The following CPEB2 variants were observed in gnomAD, a reference collection of about 807,000 sequenced individuals.
CPEB2 encodes the protein cytoplasmic polyadenylation element binding protein 2.
A neutral mutation model predicts 93.6 loss-of-function variants in CPEB2; 56 were observed. That is an observed-to-expected ratio of 0.60 (90% confidence interval 0.48 to 0.75). CPEB2 has a LOEUF of 0.75. CPEB2 is among the 30% of genes least tolerant of loss of function. CPEB2 has a pLI of 0.00. For missense variants in CPEB2, 1,579 were observed against 1,395.1 expected, an observed-to-expected ratio of 1.13 and a Z score of -2.10; for synonymous variants, 764 against 586.3, an observed-to-expected ratio of 1.30 and a Z score of -4.38.
intron 1 of CPEB2, among the ~76,000 whole-genome samples, chr4:15,004,779 C>T: frequency 6.6e-6 from 1 of 151,696 alleles, no homozygotes; most frequent in East Asian, 1.9e-4. Context: ...CGCGGGGAGG[C>T]GCGGCGAGGA....
rs948445203 is a variant in CPEB2 at position 15,067,643 on chromosome 4, A to G, written c.*1263A>G. On this transcript the variant is annotated 3_prime_UTR_variant, in exon 12 of 12. Transcript: ENST00000538197. ...ATCTGAATTTTTTAGAAGAATGCAA[A>G]ACTTTAGTAAACCCTAAGTAAAGTC... 6.6e-6 allele frequency: 1 copy of G among 152,438 alleles called. No homozygotes were observed. Among genetic ancestry groups the G allele is most frequent in the Non-Finnish European group, 1.5e-5 (1 of 67,950 alleles). The allele number at this position is 152,438 out of a possible 1,614,324, so 9.4% of individuals were successfully genotyped here.
intron 7 of CPEB2, among the ~76,000 whole-genome samples, chr4:15,052,847 C>T (rs2109081666): frequency 6.6e-6 from 1 of 152,042 alleles, no homozygotes; most frequent in Middle Eastern, 3.4e-3. Flanking sequence ...TGACCTAGGT[C>T]ATATTCTACT....
chr4:15,004,024 C>T lies in CPEB2; in HGVS notation c.1351C>T (p.Pro451Ser), dbSNP rs201132190. ...PSPDSENGFY[P>S]GLPSSMNPAF... ...CCCCGACTCAGAGAACGGCTTCTACCCCGGGCTGCCGTCGTCCATGAACCC... is the reference window on the plus strand; with the variant it reads ...CCCCGACTCAGAGAACGGCTTCTACTCCGGGCTGCCGTCGTCCATGAACCC... Residue 451 changes from proline to serine, a missense_variant, in exon 1 of 12, where the codon CCC becomes TCC. This residue lies in a region of CPEB2 where 1,411 missense variants were observed against 1,056.0 expected (regional missense o/e 1.34). Transcript: ENST00000538197. The T allele has an allele frequency of 1.0e-5, 16 of 1,562,186 alleles. No individual in the cohort carries two copies. In the South Asian group the frequency reaches 1.4e-4, roughly 14 times the overall value.
At chr4:15,013,801 T>C (rs1320132470) in intron 3 of CPEB2, among the ~76,000 whole-genome samples, 1 of 152,104 alleles carries the variant, frequency 6.6e-6, no homozygotes, top group African/African-American at 2.4e-5. Flanking sequence ...CTTTACAAAG[T>C]ACAACCAAGC....
At chr4:15,053,019 A>ATT (rs200792935) in intron 7 of CPEB2, among the ~76,000 whole-genome samples, 1 of 144,500 alleles carries the variant, frequency 6.9e-6, no homozygotes. Context: ...TTATTTATTT[A>ATT]TTTATTTTTT....
intron 11 of CPEB2, 38 bp downstream of exon 11, chr4:15,062,298 T>C: frequency 2.0e-6 from 3 of 1,523,696 alleles, no homozygotes; most frequent in Non-Finnish European, 2.7e-6. Context: ...TGTCCTATAA[T>C]AAGGTGCTGA....
chr4:15,047,556 A>G (rs1727827804), intron 6 of CPEB2, among the ~76,000 whole-genome samples: 1 of 152,092 alleles, frequency 6.6e-6, no homozygotes, highest in African/African-American at 2.4e-5. Flanking sequence ...CCAGTTTATT[A>G]CTAGCATTTA....
chr4:15,013,389 T>TTCAAAA (rs1251771613), intron 3 of CPEB2, among the ~76,000 whole-genome samples: 10 of 152,000 alleles, frequency 6.6e-5, no homozygotes, highest in African/African-American at 2.4e-4. Flanking sequence ...TTTTGGTGCT[T>TTCAAAA]TCAAATAACC....
intron 4 of CPEB2, among the ~76,000 whole-genome samples, chr4:15,029,404 C>G (rs1335321469): frequency 6.6e-6 from 1 of 151,988 alleles, no homozygotes; most frequent in Non-Finnish European, 1.5e-5. Context: ...GATAGATCCT[C>G]TAGTTATTCA....
chr4:15,057,357 C>G (rs1728809671), intron 8 of CPEB2, among the ~76,000 whole-genome samples: 1 of 152,052 alleles, frequency 6.6e-6, no homozygotes. Context: ...AGTGTCACAT[C>G]AGACTTTTGT....
chr4:15,020,909 T>C (rs1724733982), intron 4 of CPEB2, among the ~76,000 whole-genome samples: 1 of 152,048 alleles, frequency 6.6e-6, no homozygotes, highest in South Asian at 2.1e-4. Flanking sequence ...AAGTACCTAA[T>C]TTAGATGTGG....
rs2109120469 is a variant in CPEB2 at position 15,066,376 on chromosome 4, A to G, written c.3101A>G (p.Asn1034Ser). 3.1e-6 allele frequency: 5 copies of G among 1,595,046 alleles called. No individual in the cohort carries two copies. The East Asian group carries it at 1.1e-4, about 36-fold the overall frequency. The part of the protein sequence containing the change: ...DRPRQIHFRW[N>S] ...CCACGTCAGATCCACTTCCGCTGGA[A>G]CTAAGAATAGCAAACTGGCCTCTGT... The change falls in exon 12 of 12, where the codon AAC becomes AGC. Residue 1034 changes from asparagine to serine, a missense_variant. Physicochemically the swap from Asn to Ser is conservative, Grantham distance 46. Transcript: ENST00000538197.
In CPEB2 at chr4:15,068,909, T is replaced by C. The variant is rs943604982; in HGVS notation, c.*2529T>C. 2.0e-5 allele frequency: 3 copies of C among 149,598 alleles called. No homozygotes were observed. Among genetic ancestry groups the C allele is most frequent in the African/African-American group, 7.7e-5 (3 of 38,862 alleles). 9.3% of individuals were successfully genotyped at this position (149,598 alleles called of 1,614,324 possible). A position where few individuals can be genotyped will look rare whatever the true frequency, so the allele number is the denominator to read the frequency against. Reference sequence around the variant, plus strand: ...CTTTCCCACCTCACCCCTACCTCTTTTGTTTTGTTTTGTTTTTGCCCTTTA... The same window carrying C: ...CTTTCCCACCTCACCCCTACCTCTTCTGTTTTGTTTTGTTTTTGCCCTTTA... On this transcript the variant is annotated 3_prime_UTR_variant, in exon 12 of 12. Coordinates refer to ENST00000538197, the MANE Select transcript of CPEB2 (RefSeq NM_001177382.2).
chr4:15,042,802 G>GT (rs1196741752), intron 6 of CPEB2, among the ~76,000 whole-genome samples: 3 of 152,178 alleles, frequency 2.0e-5, no homozygotes, highest in East Asian at 1.9e-4. Flanking sequence ...ATTTTTTACT[G>GT]TTTTTTCCTA....
Position 15,007,428 on chromosome 4 carries a change from A to C in CPEB2, c.1786A>C (p.Thr596Pro). Residue 596 changes from threonine to proline, a missense_variant, in exon 2 of 12, where the codon ACT becomes CCT. Thr to Pro is a conservative substitution (Grantham distance 38). Transcript: ENST00000538197. Reference sequence around the variant, plus strand: ...AACCGGAAACATGGGAATCCCAGGAACTATGAATCAGATATCTCCATTGAA... The same window carrying C: ...AACCGGAAACATGGGAATCCCAGGACCTATGAATCAGATATCTCCATTGAA... The part of the protein sequence containing the change: ...RRTGNMGIPG[T>P]MNQISPLKKP... 1 of 1,614,184 alleles carries C rather than the reference A, an allele frequency of 6.2e-7. No individual in the cohort carries two copies. The highest frequency in any genetic ancestry group is 8.5e-7 in the Non-Finnish European group (1 of 1,180,010).
chr4:15,028,483 A>G (rs767570483), intron 4 of CPEB2, among the ~76,000 whole-genome samples: 2 of 152,128 alleles, frequency 1.3e-5, no homozygotes, highest in Non-Finnish European at 2.9e-5. Flanking sequence ...AGCCTATTAT[A>G]TGCTACGCTT....
chr4:15,063,570 G>A (rs1011157626), intron 11 of CPEB2, among the ~76,000 whole-genome samples: 6 of 152,042 alleles, frequency 3.9e-5, no homozygotes, highest in East Asian at 1.9e-4. Flanking sequence ...ATAAAGCTCC[G>A]GAAGTGACAC....
At position 15,003,335 on chromosome 4, in the gene CPEB2, C is replaced by A. The variant is rs113663089; in HGVS notation, c.662C>A (p.Pro221Gln). The change falls in exon 1 of 12, where the codon CCG becomes CAG. Residue 221 changes from proline (P) to glutamine (Q), a missense_variant. Coordinates refer to ENST00000538197, the MANE Select transcript of CPEB2 (RefSeq NM_001177382.2). Reference protein sequence around the residue: ...PPPPAGPLLQPAQLAQRQQQQ... With the variant: ...PPPPAGPLLQQAQLAQRQQQQ... ...CCGCCAGCCGGCCCGCTCCTCCAGCCGGCGCAGCTCGCTCAGCGCCAGCAG... is the reference window on the plus strand; with the variant it reads ...CCGCCAGCCGGCCCGCTCCTCCAGCAGGCGCAGCTCGCTCAGCGCCAGCAG... The A allele has an allele frequency of 6.8e-3, 9,480 of 1,400,230 alleles. 560 individuals carry two copies. In the African/African-American group the frequency reaches 0.13, roughly 19 times the overall value. 86.7% of individuals were successfully genotyped at this position (1,400,230 alleles called of 1,614,324 possible). A position where few individuals can be genotyped will look rare whatever the true frequency, so the allele number is the denominator to read the frequency against.
intron 6 of CPEB2, among the ~76,000 whole-genome samples, chr4:15,042,462 A>C (rs2109054152): frequency 6.6e-6 from 1 of 152,354 alleles, no homozygotes; most frequent in East Asian, 1.9e-4. Flanking sequence ...TGGAAGAAGG[A>C]AGACTCTCAC....
Sources: gnomAD v4.1 joint callset for allele counts (sites outside exome capture counted in the v4.1 genomes callset) on GRCh38, gnomAD v4.1.1 for gene constraint, gnomAD v4.1.1 regional missense constraint, MANE v1.5 for transcripts, NCBI Gene and HGNC (gene_info 2026-07-23, HGNC 2026-07-21) for gene names.